Variants in GNAL observed in about 807,000 individuals in gnomAD.
The protein encoded by GNAL is G protein subunit alpha L.
Under a neutral mutation model 55.1 loss-of-function variants are expected in GNAL, and 18 were observed. That is an observed-to-expected ratio of 0.33 (90% CI 0.23 to 0.48). GNAL has a LOEUF of 0.48. Among genes scored for constraint, GNAL ranks in the 20% least tolerant of loss-of-function variants. GNAL has a pLI of 0.99. For synonymous variants in GNAL, 253 were observed against 237.0 expected, an observed-to-expected ratio of 1.07 and a Z score of -0.62; for missense variants, 412 against 614.1, an observed-to-expected ratio of 0.67 and a Z score of 3.48.
At position 11,881,169 on chromosome 18, in the gene GNAL, C is replaced by T; in HGVS notation, c.*34C>T. ...CCGCCACCCTGCGACGGAGCGGCGC[C>T]CCGGACTGCCTGACTGCCAGCCCCA... On this transcript the variant is annotated 3_prime_UTR_variant, in exon 12 of 12. Transcript: ENST00000334049. This position sits in a 1 kb window ranked among gnomAD's most constrained non-coding sequence, Gnocchi z 4.8. 2 of 1,568,998 alleles carry T rather than the reference C, an allele frequency of 1.3e-6. No homozygotes were observed. Among genetic ancestry groups the T allele is most frequent in the East Asian group, 2.3e-5 (1 of 42,820 alleles).
rs1171799938 is a variant in GNAL, at chr18:11,884,119, G to A, written c.*2984G>A. 1 of 249,404 alleles carries A rather than the reference G, an allele frequency of 4.0e-6. No individual in the cohort carries two copies. Among genetic ancestry groups the A allele is most frequent in the Non-Finnish European group, 7.9e-6 (1 of 126,644 alleles). 15.4% of individuals were successfully genotyped at this position (249,404 alleles called of 1,614,324 possible). On this transcript the variant is annotated 3_prime_UTR_variant, in exon 12 of 12. Coordinates refer to ENST00000334049, the MANE Select transcript of GNAL (RefSeq NM_182978.4). ...TCCCAAGTGTGTGCTGGGGCCACCA[G>A]GCCCTTCCTGGGGGAACAAGGACTG...
At chr18:11,753,981 A>G (rs763709763) in intron 4 of GNAL, 36 bp downstream of exon 4, 9 of 1,493,306 alleles carry the variant, frequency 6.0e-6, no homozygotes, top group Non-Finnish European at 8.4e-6. Context: ...TAACTAGTGA[A>G]AGATGGAACC....
intron 5 of GNAL, among the ~76,000 whole-genome samples, chr18:11,834,771 A>G (rs925594274): frequency 5.3e-5 from 8 of 152,246 alleles, no homozygotes; most frequent in African/African-American, 9.6e-5. Flanking sequence ...AGTCTCTAAC[A>G]GCTCTTCACA....
At chr18:11,768,850 C>G (rs139483133) in intron 4 of GNAL, among the ~76,000 whole-genome samples, 3,934 of 141,548 alleles carry the variant, frequency 0.028, 313 homozygotes, top group African/African-American at 0.095. Flanking sequence ...GCCGAGATCA[C>G]GCCACTGCAC....
At chr18:11,824,262 T>G (rs1598408866) in intron 4 of GNAL, among the ~76,000 whole-genome samples, 2 of 145,184 alleles carry the variant, frequency 1.4e-5, no homozygotes, top group African/African-American at 5.4e-5. Flanking sequence ...ATGGCTGAGA[T>G]GGGGGGGGGG....
At chr18:11,844,467 A>G (rs1416878953) in intron 5 of GNAL, among the ~76,000 whole-genome samples, 2 of 152,204 alleles carry the variant, frequency 1.3e-5, no homozygotes, top group African/African-American at 4.8e-5. Context: ...CTCAGGATAC[A>G]TGGTTCCTGG....
chr18:11,719,815 G>T (rs975503847), intron 1 of GNAL, among the ~76,000 whole-genome samples: 1 of 152,102 alleles, frequency 6.6e-6, no homozygotes, highest in Non-Finnish European at 1.5e-5. Context: ...ATGCTGCAGC[G>T]GCCGTGGACG....
chr18:11,768,022 T>C (rs117159530), intron 4 of GNAL, among the ~76,000 whole-genome samples: 1 of 152,344 alleles, frequency 6.6e-6, no homozygotes, highest in East Asian at 1.9e-4. Context: ...GCTAGACTTA[T>C]TTAGAAAGCA....
chr18:11,760,870 T>C (rs77058384), intron 4 of GNAL, among the ~76,000 whole-genome samples: 7,969 of 152,338 alleles, frequency 0.052, 320 homozygotes, highest in Non-Finnish European at 0.073. Context: ...CTTGAGCACA[T>C]GACCTCATTG....
At chr18:11,730,064 C>T (rs917053856) in intron 1 of GNAL, among the ~76,000 whole-genome samples, 4 of 151,006 alleles carry the variant, frequency 2.6e-5, no homozygotes, top group African/African-American at 7.4e-5. Context: ...GACAGAGTCT[C>T]GCTCTTTCGC....
intron 4 of GNAL, among the ~76,000 whole-genome samples, chr18:11,781,855 TTAAA>T (rs1303162038): frequency 6.6e-6 from 1 of 152,124 alleles, no homozygotes; most frequent in Non-Finnish European, 1.5e-5. Flanking sequence ...TCAAATTTGT[TTAAA>T]TAAACAAAAT....
chr18:11,718,082 TTAAA>T (rs1427258910), intron 1 of GNAL, among the ~76,000 whole-genome samples: 1 of 152,108 alleles, frequency 6.6e-6, no homozygotes, highest in Non-Finnish European at 1.5e-5. Context: ...CAATCAATTA[TTAAA>T]TAAATAATGT....
At chr18:11,805,956 A>G (rs929594809) in intron 4 of GNAL, among the ~76,000 whole-genome samples, 18 of 152,192 alleles carry the variant, frequency 1.2e-4, no homozygotes, top group Admixed American at 2.6e-4. Context: ...GCTAATTTAC[A>G]TTCTTAAGAA....
At chr18:11,728,326 G>C (rs900980968) in intron 1 of GNAL, among the ~76,000 whole-genome samples, 9 of 152,094 alleles carry the variant, frequency 5.9e-5, no homozygotes, top group African/African-American at 1.9e-4. Flanking sequence ...ATGTCTCTCT[G>C]AGCCTGATGA....
At chr18:11,878,453 A>G (rs1354229176) in intron 11 of GNAL, among the ~76,000 whole-genome samples, 9 of 152,228 alleles carry the variant, frequency 5.9e-5, no homozygotes, top group Non-Finnish European at 8.8e-5. Flanking sequence ...TCCATCTCAA[A>G]ATAAAAACAA....
At position 11,885,126 on chromosome 18, in the gene GNAL, C is replaced by T. The variant is rs1443344624; in HGVS notation, c.*3991C>T. 1 of 1,061,830 alleles carries T rather than the reference C, an allele frequency of 9.4e-7. No individual in the cohort carries two copies. The highest frequency in any genetic ancestry group is 6.9e-5 in the East Asian group (1 of 14,430). The allele number at this position is 1,061,830 out of a possible 1,614,324, so 65.8% of individuals were successfully genotyped here. A position where few individuals can be genotyped will look rare whatever the true frequency, so the allele number is the denominator to read the frequency against. On this transcript the variant is annotated 3_prime_UTR_variant, in exon 12 of 12. Coordinates refer to ENST00000334049, the MANE Select transcript of GNAL (RefSeq NM_182978.4). ...GTGGAACAACAGTGGCAAATGTTTT[C>T]ATTTACTTTGAATTTGAAAATGTTA...
Position 11,858,492 on chromosome 18 carries a change from A to G in GNAL, c.723-3903A>G, listed in dbSNP as rs368158604. Among the ~76,000 whole-genome samples, 12 of 152,316 alleles carry G rather than the reference A, an allele frequency of 7.9e-5. No homozygotes were observed. In the East Asian group the frequency reaches 9.7e-4, roughly 12 times the overall value. On this transcript the variant is annotated intron_variant, in intron 5 of 11. Coordinates refer to ENST00000334049, the MANE Select transcript of GNAL (RefSeq NM_182978.4). Reference sequence around the variant, plus strand: ...AAAATGTAATCATATGCAAAATTCTATGTATGATTTGGGAGACCCCTTTAA... The same window carrying G: ...AAAATGTAATCATATGCAAAATTCTGTGTATGATTTGGGAGACCCCTTTAA...
rs11873443 is a variant in GNAL, at chr18:11,707,571, G to A, written c.376+17632G>A. On this transcript the variant is annotated intron_variant, in intron 1 of 11. Coordinates refer to ENST00000334049, the MANE Select transcript of GNAL (RefSeq NM_182978.4). ...TTAGCCTAATTCTGGAGGGCCCTAG[G>A]ATTTTCAGAATGGTAAATGAGCATT... Among the ~76,000 whole-genome samples the A allele has an allele frequency of 6.2e-3, 939 of 152,314 alleles. 4 individuals carry two copies. Among genetic ancestry groups the A allele is most frequent in the African/African-American group, 0.021 (879 of 41,582 alleles).
chr18:11,765,469 AG>A (rs1394314879), intron 4 of GNAL, among the ~76,000 whole-genome samples: 1 of 152,232 alleles, frequency 6.6e-6, no homozygotes, highest in Non-Finnish European at 1.5e-5. Context: ...TAAATTATTA[AG>A]TTACAGTTGC....
Sources: gnomAD v4.1 joint callset for allele counts (sites outside exome capture counted in the v4.1 genomes callset) on GRCh38, gnomAD v4.1.1 for gene constraint, Gnocchi (gnomAD v3.1) non-coding constraint, MANE v1.5 for transcripts, NCBI Gene and HGNC (gene_info 2026-07-23, HGNC 2026-07-21) for gene names.